Variants in CARS2 observed in about 807,000 individuals in gnomAD.
CARS2 encodes cysteinyl-tRNA synthetase 2, mitochondrial, also known as probable cysteine--tRNA ligase, mitochondrial.
In CARS2, 52 loss-of-function variants were observed where a neutral mutation model predicts 68.8. The observed-to-expected ratio is 0.76, with a 90% CI of 0.61 to 0.95. CARS2 has a LOEUF of 0.95. Ranked by LOEUF, CARS2 falls within the 40% of genes least tolerant of loss-of-function variation. The pLI is 0.00. For missense variants in CARS2, 780 were observed against 754.2 expected, an observed-to-expected ratio of 1.03 and a Z score of -0.40; for synonymous variants, 314 against 303.6, an observed-to-expected ratio of 1.03 and a Z score of -0.36.
intron 7 of CARS2, among the ~76,000 whole-genome samples, chr13:110,673,818 T>C (rs1465468095): frequency 6.6e-6 from 1 of 152,066 alleles, no homozygotes; most frequent in Non-Finnish European, 1.5e-5. Context: ...GAAAACCCCA[T>C]CATCTCAGCC....
chr13:110,692,059 T>C (rs1280102928), intron 3 of CARS2, among the ~76,000 whole-genome samples: 1 of 144,626 alleles, frequency 6.9e-6, no homozygotes, highest in Non-Finnish European at 1.5e-5. Flanking sequence ...CACATATACA[T>C]ATATATATAC....
At chr13:110,662,504 A>G in intron 9 of CARS2, among the ~76,000 whole-genome samples, 1 of 152,226 alleles carries the variant, frequency 6.6e-6, no homozygotes, top group East Asian at 1.9e-4. Context: ...GCTCTAACAC[A>G]TTTCTCTTTG....
chr13:110,679,186 G>A (rs541689633), intron 6 of CARS2, among the ~76,000 whole-genome samples: 59 of 152,272 alleles, frequency 3.9e-4, no homozygotes, highest in Non-Finnish European at 7.8e-4. Context: ...TGGCAACAAT[G>A]AGTATCCATG....
At chr13:110,677,438 G>A (rs1274351180) in intron 6 of CARS2, among the ~76,000 whole-genome samples, 5 of 142,200 alleles carry the variant, frequency 3.5e-5, no homozygotes, top group African/African-American at 1.4e-4. Flanking sequence ...CCCCCACCAT[G>A]GAAACACAAT....
At chr13:110,687,161 G>A (rs1194047825) in intron 5 of CARS2, among the ~76,000 whole-genome samples, 7 of 152,038 alleles carry the variant, frequency 4.6e-5, no homozygotes, top group Admixed American at 1.3e-4. Context: ...TAGATTCCAC[G>A]ACTGTTACCA....
intron 3 of CARS2, 30 bp from the exon 4 acceptor site, chr13:110,688,048 G>A: frequency 6.6e-7 from 1 of 1,510,466 alleles, no homozygotes; most frequent in Non-Finnish European, 9.2e-7. Context: ...GCACGTTAAT[G>A]AGTCTGGGGC....
chr13:110,696,979 C>T (rs1461851313), intron 3 of CARS2, among the ~76,000 whole-genome samples: 3 of 152,178 alleles, frequency 2.0e-5, no homozygotes, highest in African/African-American at 4.8e-5. Context: ...CCATCCCCTG[C>T]GGGGCCCTTT....
chr13:110,701,645 C>T (rs181427469), intron 2 of CARS2, 90 bp from the exon 3 acceptor site: 279 of 740,710 alleles, frequency 3.8e-4, no homozygotes, highest in Admixed American at 4.9e-4. Flanking sequence ...CATGCTGCTC[C>T]ATAACTTCTA....
rs562670493 is a variant in CARS2, at chr13:110,642,226, C to T, written c.1623+89G>A. On this transcript the variant is annotated intron_variant, in intron 14 of 14. Transcript: ENST00000257347. ...CCGTCTCAAAAAAAAAGCATGGTCACGGGGGATGTCTGGGCCTCTGATGGC... is the reference window on the plus strand; with the variant it reads ...CCGTCTCAAAAAAAAAGCATGGTCATGGGGGATGTCTGGGCCTCTGATGGC... 4.3e-4 allele frequency: 435 copies of T among 1,018,906 alleles called. 1 individual carries two copies. Among genetic ancestry groups the T allele is most frequent in the African/African-American group, 3.1e-3 (194 of 62,518 alleles). The allele number at this position is 1,018,906 out of a possible 1,614,324, so 63.1% of individuals were successfully genotyped here.
rs763831083 is a variant in CARS2, at chr13:110,705,622, C to T, written c.225-51G>A. On this transcript the variant is annotated intron_variant, in intron 1 of 14. Coordinates refer to ENST00000257347, the MANE Select transcript of CARS2 (RefSeq NM_024537.4). The surrounding 1 kb of genome is among the most constrained non-coding windows in gnomAD (Gnocchi z 4.0). ...TGTGGAACATATTTGCAAGAAAGGACATTCGATTCTGAGTTATAATGATCA... is the reference window on the plus strand; with the variant it reads ...TGTGGAACATATTTGCAAGAAAGGATATTCGATTCTGAGTTATAATGATCA... 1.3e-6 allele frequency: 2 copies of T among 1,545,554 alleles called. No homozygotes were observed. Among genetic ancestry groups the T allele is most frequent in the Admixed American group, 3.3e-5 (2 of 59,866 alleles).
rs10219775 is a variant in CARS2 at position 110,688,175 on chromosome 13, G to A, written c.394-157C>T. ...TTTGCCCCCACCCACTCACCAAAGCGGGGGCACTCATTTTAGGTACTGAAC... is the reference window on the plus strand; with the variant it reads ...TTTGCCCCCACCCACTCACCAAAGCAGGGGCACTCATTTTAGGTACTGAAC... On this transcript the variant is annotated intron_variant, in intron 3 of 14. Coordinates refer to ENST00000257347, the MANE Select transcript of CARS2 (RefSeq NM_024537.4). Among the ~76,000 whole-genome samples, 5,603 of 152,264 alleles carry A rather than the reference G, an allele frequency of 0.037. 336 individuals carry two copies. The highest frequency in any genetic ancestry group is 0.12 in the African/African-American group (5,080 of 41,528).
At chr13:110,659,688 A>G (rs1349806629) in intron 9 of CARS2, among the ~76,000 whole-genome samples, 3 of 152,236 alleles carry the variant, frequency 2.0e-5, no homozygotes, top group African/African-American at 7.2e-5. Context: ...TAATAGCATT[A>G]TGTCTGAAAG....
chr13:110,697,784 A>G, intron 3 of CARS2: 1 of 360,366 alleles, frequency 2.8e-6, no homozygotes, highest in Admixed American at 4.1e-5. Flanking sequence ...TGTTCATAGC[A>G]GCACTCTTTT....
intron 3 of CARS2, among the ~76,000 whole-genome samples, chr13:110,693,186 C>T (rs1313266654): frequency 1.3e-5 from 2 of 150,328 alleles, no homozygotes; most frequent in African/African-American, 4.9e-5. Flanking sequence ...CAAGCACACA[C>T]ACTTTAAAGG....
At chr13:110,642,268 C>T in intron 14 of CARS2, 47 bp downstream of exon 14, 1 of 1,466,412 alleles carries the variant, frequency 6.8e-7, no homozygotes, top group Non-Finnish European at 9.3e-7. Context: ...TCCTGTTGAC[C>T]TACCCGGCTC....
chr13:110,649,199 A>G (rs1201439377), intron 10 of CARS2: 1 of 152,272 alleles, frequency 6.6e-6, no homozygotes, highest in Admixed American at 6.5e-5. Context: ...GGCTGGCCAC[A>G]CTTCTTTCTC....
intron 6 of CARS2, among the ~76,000 whole-genome samples, chr13:110,677,384 C>A (rs112411948): frequency 0.012 from 1,012 of 84,676 alleles, 11 homozygotes; most frequent in Admixed American, 0.023. Context: ...AATCACCCCA[C>A]CATGGAAACC....
At chr13:110,667,900 G>C (rs1051333433) in intron 7 of CARS2, among the ~76,000 whole-genome samples, 1 of 152,188 alleles carries the variant, frequency 6.6e-6, no homozygotes, top group African/African-American at 2.4e-5. Flanking sequence ...AGAGTTCAAA[G>C]CAACACAGGT....
In CARS2 at chr13:110,668,541, C is replaced by CAA. The variant is rs11370567; in HGVS notation, c.786-1070_786-1069dup. ...TGGGTGACAGAGCGAGACTCCGTCT[C>CAA]AAAAAAAAAAAAAGATTTTTACATC... On this transcript the variant is annotated intron_variant, in intron 7 of 14. Transcript: ENST00000257347. This position sits in a 1 kb window ranked among gnomAD's most constrained non-coding sequence, Gnocchi z 4.1. Among the ~76,000 whole-genome samples the CAA allele has an allele frequency of 9.6e-4, 138 of 143,722 alleles. No homozygotes were observed. The highest frequency in any genetic ancestry group is 4.8e-3 in the South Asian group (22 of 4,538). 94.3% of individuals were successfully genotyped at this position (143,722 alleles called of 152,430 possible).
Sources: gnomAD v4.1 joint callset for allele counts (sites outside exome capture counted in the v4.1 genomes callset) on GRCh38, gnomAD v4.1.1 for gene constraint, Gnocchi (gnomAD v3.1) non-coding constraint, MANE v1.5 for transcripts, NCBI Gene and HGNC (gene_info 2026-07-23, HGNC 2026-07-21) for gene names.